PDE1C: variants seen among roughly 807,000 people sequenced by gnomAD.
PDE1C encodes dual specificity calcium/calmodulin-dependent 3',5'-cyclic nucleotide phosphodiesterase 1C.
PDE1C carries 62 observed loss-of-function variants against 93.1 expected under a neutral mutation model. That is an observed-to-expected ratio of 0.67 (90% confidence interval 0.54 to 0.82). The LOEUF (loss-of-function observed/expected upper bound fraction) is 0.82. Ranked by LOEUF, PDE1C falls within the 40% of genes least tolerant of loss-of-function variation. PDE1C has a pLI of 0.00. For synonymous variants in PDE1C, 325 were observed against 310.1 expected, an observed-to-expected ratio of 1.05 and a Z score of -0.50; for missense variants, 742 against 884.6, an observed-to-expected ratio of 0.84 and a Z score of 2.04.
At chr7:32,179,321 G>A (rs938626731) in intron 2 of PDE1C, among the ~76,000 whole-genome samples, 11 of 147,846 alleles carry the variant, frequency 7.4e-5, no homozygotes, top group Non-Finnish European at 1.2e-4. Context: ...GTGCAGTGGC[G>A]TGATCTCAGC....
intron 3 of PDE1C, among the ~76,000 whole-genome samples, chr7:32,159,820 CA>C (rs1284465495): frequency 6.6e-6 from 1 of 152,074 alleles, no homozygotes; most frequent in Non-Finnish European, 1.5e-5. Flanking sequence ...ACTCAGTGGC[CA>C]GTAGAGTTAG....
chr7:31,658,296 TC>T, the PDE1C span: 2 of 1,496,620 alleles, frequency 1.3e-6, no homozygotes, highest in Non-Finnish European at 1.8e-6. Flanking sequence ...CAGAGCTGGA[TC>T]CCTTTTTTTT....
intron 16 of PDE1C, among the ~76,000 whole-genome samples, chr7:31,793,818 C>G (rs1405401825): frequency 6.6e-6 from 1 of 151,790 alleles, no homozygotes; most frequent in Non-Finnish European, 1.5e-5. Context: ...TCAACATGTG[C>G]ATGCTTTCTC....
the PDE1C span, among the ~76,000 whole-genome samples, chr7:31,730,538 T>C: frequency 9.5e-4 from 144 of 152,342 alleles, 1 homozygote; most frequent in African/African-American, 3.2e-3. Context: ...CTGTGCAGTA[T>C]GGGAAAGAAA....
intron 1 of PDE1C, among the ~76,000 whole-genome samples, chr7:32,238,258 G>A (rs544349766): frequency 1.3e-5 from 2 of 152,118 alleles, no homozygotes; most frequent in South Asian, 2.1e-4. Flanking sequence ...ATGGCAATAC[G>A]AATTTATAAA....
chr7:31,745,783 T>C, the PDE1C span, among the ~76,000 whole-genome samples: 1 of 152,248 alleles, frequency 6.6e-6, no homozygotes, highest in Admixed American at 6.5e-5. Flanking sequence ...TGAGAAACTT[T>C]GTCCTTTGAA....
At chr7:31,690,911 T>A in the PDE1C span, among the ~76,000 whole-genome samples, 5 of 152,136 alleles carry the variant, frequency 3.3e-5, no homozygotes, top group Non-Finnish European at 7.4e-5. Context: ...TTCAACATAA[T>A]ATGTATGACT....
intron 1 of PDE1C, among the ~76,000 whole-genome samples, chr7:32,393,881 A>G (rs1289917796): frequency 6.6e-6 from 1 of 152,204 alleles, no homozygotes; most frequent in Non-Finnish European, 1.5e-5. Flanking sequence ...CAGGAACATC[A>G]ACACTCATCT....
chr7:32,095,581 TTATTA>T (rs1216004323), intron 3 of PDE1C, among the ~76,000 whole-genome samples: 1 of 152,242 alleles, frequency 6.6e-6, no homozygotes, highest in Non-Finnish European at 1.5e-5. Context: ...CACACGGTTC[TTATTA>T]TATTTCTCCA....
At chr7:31,886,283 T>C (rs1049322305) in intron 2 of PDE1C, among the ~76,000 whole-genome samples, 6 of 152,188 alleles carry the variant, frequency 3.9e-5, no homozygotes, top group Non-Finnish European at 4.4e-5. Flanking sequence ...CTAAATGCCA[T>C]AGGAAATAAC....
At chr7:31,948,656 T>C (rs947358731) in intron 2 of PDE1C, among the ~76,000 whole-genome samples, 1 of 152,144 alleles carries the variant, frequency 6.6e-6, no homozygotes, top group African/African-American at 2.4e-5. Context: ...TACTTATCTT[T>C]TTGCGGAGAT....
intron 2 of PDE1C, among the ~76,000 whole-genome samples, chr7:31,904,455 T>TGGAGCC (rs1378416838): frequency 1.3e-5 from 2 of 150,704 alleles, no homozygotes; most frequent in African/African-American, 2.4e-5. Context: ...TTCTCCTGAA[T>TGGAGCC]GGAGGTATCA....
the PDE1C span, among the ~76,000 whole-genome samples, chr7:31,700,302 G>A: frequency 1.3e-5 from 2 of 152,160 alleles, no homozygotes; most frequent in African/African-American, 4.8e-5. Flanking sequence ...AAGTTTCAGT[G>A]GTCTGGATAG....
intron 3 of PDE1C, among the ~76,000 whole-genome samples, chr7:32,145,137 A>G (rs1418655454): frequency 6.6e-6 from 1 of 152,226 alleles, no homozygotes; most frequent in African/African-American, 2.4e-5. Context: ...TTATAAGAAG[A>G]TAACTGTGAT....
chr7:31,743,782 T>C, the PDE1C span, among the ~76,000 whole-genome samples: 3 of 152,176 alleles, frequency 2.0e-5, no homozygotes, highest in South Asian at 2.1e-4. Flanking sequence ...TCCCAAGAAG[T>C]CAGCCAGGGC....
chr7:32,300,622 G>A (rs988192569), upstream of PDE1C, among the ~76,000 whole-genome samples: 2 of 152,146 alleles, frequency 1.3e-5, no homozygotes, highest in Non-Finnish European at 2.9e-5. Context: ...GTAGGAGTAA[G>A]TGCATAAAAC....
the PDE1C span, among the ~76,000 whole-genome samples, chr7:31,737,436 C>T: frequency 1.3e-5 from 2 of 152,178 alleles, no homozygotes; most frequent in Non-Finnish European, 2.9e-5. Flanking sequence ...TTCAGACTGA[C>T]ATGCCAACAT....
At chr7:32,350,576 ATATATATATATATATTTTTTT>A (rs1490732373) in intron 1 of PDE1C, among the ~76,000 whole-genome samples, 3 of 874 alleles carry the variant, frequency 3.4e-3, no homozygotes, top group African/African-American at 4.4e-3. Context: ...ATATATATAT[ATATATATATATATATTTTTTT>A]TTTTTTTTTT....
intron 1 of PDE1C, among the ~76,000 whole-genome samples, chr7:32,335,610 T>C (rs1783603329): frequency 6.6e-6 from 1 of 152,256 alleles, no homozygotes; most frequent in Non-Finnish European, 1.5e-5. Context: ...CCTCTGTGTG[T>C]GTCTGTGACC....
Sources: allele counts gnomAD v4.1 joint callset (sites outside exome capture counted in the v4.1 genomes callset), GRCh38; gene constraint gnomAD v4.1.1; transcripts MANE v1.5; gene names NCBI Gene and HGNC (gene_info 2026-07-23, HGNC 2026-07-21).